ACVR2A: variants seen among roughly 807,000 people sequenced by gnomAD.
The protein encoded by ACVR2A is activin receptor type-2A.
In ACVR2A, 7 loss-of-function variants were observed where a neutral mutation model predicts 61.4. That is an observed-to-expected ratio of 0.11 (90% CI 0.06 to 0.21). ACVR2A has a LOEUF of 0.21. ACVR2A is among the 10% of genes least tolerant of loss of function. The pLI, the probability that ACVR2A is intolerant of heterozygous loss-of-function variation, is 1.00. For synonymous variants in ACVR2A, 193 were observed against 208.3 expected, an observed-to-expected ratio of 0.93 and a Z score of 0.63; for missense variants, 322 against 621.7, an observed-to-expected ratio of 0.52 and a Z score of 5.13.
At position 147,915,209 on chromosome 2, in the gene ACVR2A, C is replaced by T. The variant is rs201389916; in HGVS notation, c.547C>T (p.Pro183Ser). 3 of 1,612,070 alleles carry T rather than the reference C, an allele frequency of 1.9e-6. No homozygotes were observed. In the East Asian group the frequency reaches 6.7e-5, roughly 36 times the overall value. The change falls in exon 5 of 11, where the codon CCT becomes TCT. Residue 183 changes from proline to serine, a missense_variant. This residue lies in a region of ACVR2A where 146 missense variants were observed against 383.8 expected (regional missense o/e 0.38). Coordinates refer to ENST00000241416, the MANE Select transcript of ACVR2A (RefSeq NM_001616.5). ...TCTGTAGGACCCAGGACCACCCCCA[C>T]CTTCTCCATTACTAGGTTTGAAACC... Reference protein sequence around the residue: ...VPTQDPGPPPPSPLLGLKPLQ... With the variant: ...VPTQDPGPPPSSPLLGLKPLQ...
rs1373589602 is a variant in ACVR2A at position 147,930,204 on chromosome 2, G to C, written c.*2930G>C. 1 of 152,178 alleles carries C rather than the reference G, an allele frequency of 6.6e-6. No homozygotes were observed. The highest frequency in any genetic ancestry group is 1.9e-4 in the East Asian group (1 of 5,188). The allele number at this position is 152,178 out of a possible 1,614,324, so 9.4% of individuals were successfully genotyped here. A position where few individuals can be genotyped will look rare whatever the true frequency, so the allele number is the denominator to read the frequency against. On this transcript the variant is annotated 3_prime_UTR_variant, in exon 11 of 11. Transcript: ENST00000241416. ...CCCAACACCTTTGGAATTTAAAATA[G>C]AATCATATCATGAAATTTAAAAAGA...
intron 1 of ACVR2A, among the ~76,000 whole-genome samples, chr2:147,869,132 C>G (rs1685948143): frequency 6.6e-6 from 1 of 152,054 alleles, no homozygotes; most frequent in South Asian, 2.1e-4. Flanking sequence ...ATATACCTTG[C>G]ATTATTTTTT....
chr2:147,895,093 G>A (rs533516773), intron 1 of ACVR2A, among the ~76,000 whole-genome samples: 6 of 151,912 alleles, frequency 3.9e-5, no homozygotes, highest in Non-Finnish European at 8.8e-5. Flanking sequence ...GTACAAACCA[G>A]TCTTTTATTA....
chr2:147,879,951 A>C (rs1686256958), intron 1 of ACVR2A, among the ~76,000 whole-genome samples: 1 of 152,186 alleles, frequency 6.6e-6, no homozygotes, highest in African/African-American at 2.4e-5. Context: ...TTATGCCTTA[A>C]ACCTCTTCCC....
intron 4 of ACVR2A, among the ~76,000 whole-genome samples, chr2:147,905,269 G>T (rs1686961772): frequency 6.6e-6 from 1 of 151,918 alleles, no homozygotes. Flanking sequence ...TAATTTAACA[G>T]TATATGGACA....
At chr2:147,865,385 C>T (rs1369308327) in intron 1 of ACVR2A, among the ~76,000 whole-genome samples, 1 of 152,100 alleles carries the variant, frequency 6.6e-6, no homozygotes, top group Non-Finnish European at 1.5e-5. Context: ...TTTTTAGTAG[C>T]CTAATCTAAA....
At chr2:147,879,851 C>T (rs545675285) in intron 1 of ACVR2A, among the ~76,000 whole-genome samples, 1 of 152,232 alleles carries the variant, frequency 6.6e-6, no homozygotes, top group Middle Eastern at 3.4e-3. Flanking sequence ...TGCTATAGTC[C>T]AGGGAGAGAT....
intron 1 of ACVR2A, among the ~76,000 whole-genome samples, chr2:147,886,949 A>G (rs1231958734): frequency 6.6e-6 from 1 of 152,058 alleles, no homozygotes; most frequent in African/African-American, 2.4e-5. Context: ...CTTGGCTCAC[A>G]CCTGTAATCC....
intron 1 of ACVR2A, among the ~76,000 whole-genome samples, chr2:147,863,311 A>G (rs574524836): frequency 1.6e-4 from 25 of 152,280 alleles, no homozygotes; most frequent in African/African-American, 4.8e-4. Flanking sequence ...ATGGTCTACT[A>G]TGTTTCCTGT....
intron 4 of ACVR2A, among the ~76,000 whole-genome samples, chr2:147,912,997 TTC>T (rs1466424214): frequency 6.6e-6 from 1 of 151,922 alleles, no homozygotes; most frequent in Non-Finnish European, 1.5e-5. Flanking sequence ...CTAAGATTAT[TTC>T]TTTCTGAAAT....
At chr2:147,906,306 C>T (rs1686987621) in intron 4 of ACVR2A, among the ~76,000 whole-genome samples, 1 of 152,190 alleles carries the variant, frequency 6.6e-6, no homozygotes. Flanking sequence ...TCACTCAATG[C>T]TTGATTGCCT....
chr2:147,902,417 G>A (rs1686891101), intron 4 of ACVR2A, among the ~76,000 whole-genome samples: 1 of 151,826 alleles, frequency 6.6e-6, no homozygotes, highest in Non-Finnish European at 1.5e-5. Context: ...ATATAATTCA[G>A]TAAACTTTTC....
intron 1 of ACVR2A, among the ~76,000 whole-genome samples, chr2:147,881,904 G>A (rs537009946): frequency 6.6e-6 from 1 of 152,076 alleles, no homozygotes; most frequent in South Asian, 2.1e-4. Context: ...TAAAAATTTT[G>A]TTAATACAAA....
intron 4 of ACVR2A, among the ~76,000 whole-genome samples, chr2:147,907,357 G>T (rs1244000204): frequency 6.6e-6 from 1 of 152,142 alleles, no homozygotes; most frequent in Admixed American, 6.5e-5. Flanking sequence ...TATATACCCA[G>T]TAATGGGATT....
chr2:147,893,002 A>G (rs1686627904), intron 1 of ACVR2A, among the ~76,000 whole-genome samples: 3 of 152,152 alleles, frequency 2.0e-5, no homozygotes, highest in South Asian at 4.1e-4. Context: ...ATCATAATAC[A>G]CCCTAGTCAA....
intron 1 of ACVR2A, among the ~76,000 whole-genome samples, chr2:147,870,812 C>T (rs1021938859): frequency 1.3e-5 from 2 of 151,958 alleles, no homozygotes; most frequent in African/African-American, 4.8e-5. Flanking sequence ...CATTCTTTTC[C>T]CTGAGTACCC....
At chr2:147,893,459 T>C (rs1293877032) in intron 1 of ACVR2A, among the ~76,000 whole-genome samples, 3 of 130,440 alleles carry the variant, frequency 2.3e-5, no homozygotes, top group African/African-American at 7.5e-5. Flanking sequence ...AAAGCTGTTT[T>C]CCAAAGTGAC....
At chr2:147,899,333 T>A in intron 2 of ACVR2A, 125 bp from the exon 3 acceptor site, 1 of 633,254 alleles carries the variant, frequency 1.6e-6, no homozygotes, top group Admixed American at 3.7e-5. Context: ...TTATTAGATA[T>A]AAATACGAAT....
chr2:147,906,639 ACT>A (rs1398026030), intron 4 of ACVR2A, among the ~76,000 whole-genome samples: 2 of 152,054 alleles, frequency 1.3e-5, no homozygotes, highest in African/African-American at 4.8e-5. Flanking sequence ...TCAAAATTGA[ACT>A]CAAACAGAAT....
Sources: allele counts gnomAD v4.1 joint callset (sites outside exome capture counted in the v4.1 genomes callset), GRCh38; gene constraint gnomAD v4.1.1; regional missense constraint gnomAD v4.1.1; transcripts MANE v1.5; gene names NCBI Gene and HGNC (gene_info 2026-07-23, HGNC 2026-07-21).